CSMD1: variants seen among roughly 807,000 people sequenced by gnomAD.
CSMD1 encodes the protein CUB and Sushi multiple domains 1.
In CSMD1, 213 loss-of-function variants were observed where a neutral mutation model predicts 417.5. The ratio of observed to expected loss-of-function variants is 0.51; its 90% CI spans 0.46 to 0.57. The LOEUF is 0.57. Among genes scored for constraint, CSMD1 ranks in the 20% least tolerant of loss-of-function variants. CSMD1 has a pLI of 0.00. For missense variants in CSMD1, 6,923 were observed against 4,529.7 expected, an observed-to-expected ratio of 1.53 and a Z score of -15.17; for synonymous variants, 2,862 against 1,736.8, an observed-to-expected ratio of 1.65 and a Z score of -16.11.
At chr8:4,139,790 A>AG (rs1803671250) in intron 3 of CSMD1, among the ~76,000 whole-genome samples, 3 of 151,098 alleles carry the variant, frequency 2.0e-5, no homozygotes, top group Admixed American at 6.6e-5. Flanking sequence ...CACTGAGCTC[A>AG]GTGTTCTACA....
intron 3 of CSMD1, among the ~76,000 whole-genome samples, chr8:4,141,306 T>C (rs1047749736): frequency 1.3e-5 from 2 of 151,060 alleles, no homozygotes; most frequent in African/African-American, 5.0e-5. Flanking sequence ...ATTCCCAAGA[T>C]GGAAATTAAG....
At position 4,963,591 on chromosome 8, in the gene CSMD1, T is replaced by C. The variant is rs111667620; in HGVS notation, c.85+30741A>G. Among the ~76,000 whole-genome samples the C allele has an allele frequency of 8.7e-3, 1,318 of 152,332 alleles. 21 individuals carry two copies. Among genetic ancestry groups the C allele is most frequent in the African/African-American group, 0.027 (1,102 of 41,580 alleles). On this transcript the variant is annotated intron_variant, in intron 1 of 69. Coordinates refer to ENST00000635120, the MANE Select transcript of CSMD1 (RefSeq NM_033225.6). ...TGGTCTTTGTGTGTTTATACATTTA[T>C]TTTTATTGCTATCATTTATTTCCTG...
chr8:3,293,716 T>A (rs980604937), intron 25 of CSMD1, among the ~76,000 whole-genome samples: 1 of 151,874 alleles, frequency 6.6e-6, no homozygotes, highest in South Asian at 2.1e-4. Flanking sequence ...GTTATTCTAG[T>A]TAGCCATTCG....
intron 2 of CSMD1, among the ~76,000 whole-genome samples, chr8:4,630,705 G>C (rs1017298076): frequency 2.6e-5 from 4 of 152,250 alleles, no homozygotes; most frequent in Admixed American, 2.0e-4. Flanking sequence ...CACCTCTGCT[G>C]TCCACCTCTG....
At chr8:3,905,350 C>A (rs116835803) in intron 5 of CSMD1, among the ~76,000 whole-genome samples, 2,154 of 152,222 alleles carry the variant, frequency 0.014, 42 homozygotes, top group African/African-American at 0.048. Flanking sequence ...AAAAGTTGAT[C>A]ATCTAAAAAA....
At chr8:3,592,669 C>T (rs1800903038) in intron 8 of CSMD1, among the ~76,000 whole-genome samples, 1 of 128,404 alleles carries the variant, frequency 7.8e-6, no homozygotes, top group Non-Finnish European at 1.5e-5. Context: ...CGTGTGTGTG[C>T]ACATCCGTGT....
chr8:4,939,758 G>C (rs1021859999), intron 1 of CSMD1, among the ~76,000 whole-genome samples: 1 of 152,152 alleles, frequency 6.6e-6, no homozygotes, highest in African/African-American at 2.4e-5. Context: ...GGAGTATGCA[G>C]TGTACTGCCT....
At chr8:4,465,885 G>A (rs753633703) in intron 2 of CSMD1, among the ~76,000 whole-genome samples, 3 of 152,142 alleles carry the variant, frequency 2.0e-5, no homozygotes, top group Non-Finnish European at 4.4e-5. Flanking sequence ...GGAAGTGGCT[G>A]ACTCACTGCA....
intron 5 of CSMD1, among the ~76,000 whole-genome samples, chr8:3,795,486 A>C (rs866808283): frequency 0.016 from 66 of 4,092 alleles, 16 homozygotes; most frequent in African/African-American, 0.067. Flanking sequence ...ATATAGATAT[A>C]TATCTATCAT....
intron 1 of CSMD1, among the ~76,000 whole-genome samples, chr8:4,837,835 G>A (rs1333319249): frequency 6.6e-6 from 1 of 151,918 alleles, no homozygotes; most frequent in Non-Finnish European, 1.5e-5. Flanking sequence ...ATTTGATATA[G>A]CATGCCTATA....
intron 57 of CSMD1, 75 bp from the exon 58 acceptor site, chr8:2,966,821 G>T: frequency 7.4e-7 from 1 of 1,359,082 alleles, no homozygotes; most frequent in Non-Finnish European, 1.0e-6. Flanking sequence ...AGAGACCAAT[G>T]GGTATCAGTG....
intron 41 of CSMD1, among the ~76,000 whole-genome samples, chr8:3,137,831 G>A (rs1320422886): frequency 6.6e-6 from 1 of 152,188 alleles, no homozygotes; most frequent in Non-Finnish European, 1.5e-5. Context: ...CACACATGCA[G>A]AACTCATGGA....
chr8:3,796,593 ATAT>A (rs1800164349), intron 5 of CSMD1, among the ~76,000 whole-genome samples: 1 of 147,124 alleles, frequency 6.8e-6, no homozygotes, highest in South Asian at 2.1e-4. Flanking sequence ...ATATATAGAT[ATAT>A]ATCTATAATG....
chr8:3,410,519 G>A (rs1812620221), intron 12 of CSMD1, among the ~76,000 whole-genome samples: 1 of 152,156 alleles, frequency 6.6e-6, no homozygotes, highest in Non-Finnish European at 1.5e-5. Context: ...TTCTAAGGGG[G>A]AGTTGCCCTG....
intron 6 of CSMD1, among the ~76,000 whole-genome samples, chr8:3,716,227 G>C (rs542125031): frequency 9.9e-4 from 150 of 152,268 alleles, no homozygotes; most frequent in South Asian, 1.9e-3. Flanking sequence ...TGGCTGGAAA[G>C]TGGTCCTGAT....
At chr8:3,591,225 G>C (rs1167649743) in intron 8 of CSMD1, among the ~76,000 whole-genome samples, 1 of 152,112 alleles carries the variant, frequency 6.6e-6, no homozygotes, top group Non-Finnish European at 1.5e-5. Context: ...AAACAAAGCA[G>C]CAAAATTTTG....
intron 5 of CSMD1, among the ~76,000 whole-genome samples, chr8:3,967,862 C>A (rs1007535551): frequency 6.6e-6 from 1 of 151,920 alleles, no homozygotes; most frequent in Non-Finnish European, 1.5e-5. Flanking sequence ...ATTTCCCTTG[C>A]TCGCTTAAGA....
At chr8:3,915,692 T>C (rs1359671493) in intron 5 of CSMD1, among the ~76,000 whole-genome samples, 1 of 151,322 alleles carries the variant, frequency 6.6e-6, no homozygotes, top group African/African-American at 2.4e-5. Flanking sequence ...TAGAACTCTA[T>C]CTCTGTTATA....
chr8:3,148,262 G>T (rs67254580), intron 40 of CSMD1, among the ~76,000 whole-genome samples: 9,788 of 152,218 alleles, frequency 0.064, 340 homozygotes, highest in Middle Eastern at 0.11. Flanking sequence ...TGCTTCATTT[G>T]TAAGTGCAGA....
Sources: allele counts gnomAD v4.1 joint callset (sites outside exome capture counted in the v4.1 genomes callset), GRCh38; gene constraint gnomAD v4.1.1; transcripts MANE v1.5; gene names NCBI Gene and HGNC (gene_info 2026-07-23, HGNC 2026-07-21).